EFCAB3: variants seen among roughly 807,000 people sequenced by gnomAD.
EFCAB3 encodes EF-hand calcium binding domain 3.
A neutral mutation model predicts 42.2 loss-of-function variants in EFCAB3; 36 were observed. The observed-to-expected ratio is 0.85, with a 90% CI of 0.65 to 1.13. The LOEUF (loss-of-function observed/expected upper bound fraction) is 1.13. Among genes scored for constraint, EFCAB3 ranks in the 50% most tolerant of loss-of-function variants. EFCAB3 has a pLI of 0.00. For synonymous variants in EFCAB3, 170 were observed against 172.8 expected, an observed-to-expected ratio of 0.98 and a Z score of 0.13; for missense variants, 418 against 505.1, an observed-to-expected ratio of 0.83 and a Z score of 1.65.
In EFCAB3 at chr17:62,413,585, T is replaced by C. The variant is rs2070518261; in HGVS notation, c.868-147T>C. 22 of 819,420 alleles carry C rather than the reference T, an allele frequency of 2.7e-5. No individual in the cohort carries two copies. The South Asian group carries it at 5.7e-4, about 21-fold the overall frequency. The allele number at this position is 819,420 out of a possible 1,614,324, so 50.8% of individuals were successfully genotyped here. A position where few individuals can be genotyped will look rare whatever the true frequency, so the allele number is the denominator to read the frequency against. On this transcript the variant is annotated intron_variant, in intron 8 of 9. Transcript: ENST00000305286. ...CTCCTGAGGGACCCGGAAAAAAGTCTAAACAAACAAACAAATGGTTTGGCA... is the reference window on the plus strand; with the variant it reads ...CTCCTGAGGGACCCGGAAAAAAGTCCAAACAAACAAACAAATGGTTTGGCA...
chr17:62,390,207 A>G (rs1394333450), intron 3 of EFCAB3, among the ~76,000 whole-genome samples: 1 of 152,194 alleles, frequency 6.6e-6, no homozygotes, highest in Non-Finnish European at 1.5e-5. Context: ...ATACAACAAT[A>G]GGATTGATAT....
At chr17:62,395,234 A>T (rs2070339453) in intron 6 of EFCAB3, 46 bp downstream of exon 6, 1 of 1,603,302 alleles carries the variant, frequency 6.2e-7, no homozygotes, top group African/African-American at 1.3e-5. Context: ...CAGAAGCATT[A>T]TGAAGATATT....
chr17:62,381,478 T>A (rs1321850893), intron 1 of EFCAB3, among the ~76,000 whole-genome samples: 1 of 152,000 alleles, frequency 6.6e-6, no homozygotes, highest in Non-Finnish European at 1.5e-5. Context: ...AAGCCCTGTT[T>A]CTCAAACTAT....
intron 1 of EFCAB3, among the ~76,000 whole-genome samples, chr17:62,371,592 CT>C: frequency 6.6e-6 from 1 of 152,206 alleles, no homozygotes; most frequent in East Asian, 1.9e-4. Flanking sequence ...TTGTGCATGA[CT>C]TTCATTTCTT....
In EFCAB3 at chr17:62,416,262, C is replaced by T; in HGVS notation, c.1250C>T (p.Thr417Ile). ...HNSRSSSSSD[T>I]SECYTDSGRK... The stretch of plus-strand genomic sequence containing the variant: ...TCCAGATCCTCTTCCTCATCAGATA[C>T]CAGTGAATGTTACACAGACTCAGGA... Residue 417 changes from threonine (T) to isoleucine (I), a missense_variant, in exon 10 of 10, where the codon ACC becomes ATC. Transcript: ENST00000305286. 1.2e-6 allele frequency: 2 copies of T among 1,613,778 alleles called. No individual in the cohort carries two copies. The highest frequency in any genetic ancestry group is 8.5e-7 in the Non-Finnish European group (1 of 1,179,812).
At chr17:62,415,921 C>G in intron 9 of EFCAB3, 82 bp from the exon 10 acceptor site, 1 of 1,194,976 alleles carries the variant, frequency 8.4e-7, no homozygotes, top group East Asian at 2.4e-5. Flanking sequence ...AGGGACATAA[C>G]TCTTGGGGTA....
chr17:62,383,981 T>C (rs985489101), intron 2 of EFCAB3, among the ~76,000 whole-genome samples: 19 of 152,334 alleles, frequency 1.2e-4, no homozygotes, highest in African/African-American at 4.6e-4. Flanking sequence ...CAGCCACTAA[T>C]GAGCAAAAAT....
chr17:62,415,087 G>A (rs192718842), intron 9 of EFCAB3, among the ~76,000 whole-genome samples: 124 of 151,592 alleles, frequency 8.2e-4, no homozygotes, highest in Non-Finnish European at 1.6e-3. Context: ...TTAGGCAACA[G>A]GGCAAGACTC....
chr17:62,386,787 T>C (rs542285242), intron 2 of EFCAB3, among the ~76,000 whole-genome samples: 166 of 150,428 alleles, frequency 1.1e-3, no homozygotes, highest in Non-Finnish European at 1.8e-4. Context: ...TAACTGGTTT[T>C]TTGGGGTTTG....
At chr17:62,384,979 AT>A (rs2070236156) in intron 2 of EFCAB3, among the ~76,000 whole-genome samples, 1 of 152,196 alleles carries the variant, frequency 6.6e-6, no homozygotes, top group Non-Finnish European at 1.5e-5. Context: ...TTCTGAGCAC[AT>A]TTAAGGTAGG....
intron 4 of EFCAB3, 56 bp downstream of exon 4, chr17:62,392,021 G>T: frequency 6.5e-7 from 1 of 1,529,958 alleles, no homozygotes. Flanking sequence ...TGAATATATA[G>T]TTTTCTTTTA....
At chr17:62,402,317 CA>C (rs1598017817) in intron 6 of EFCAB3, among the ~76,000 whole-genome samples, 1 of 152,114 alleles carries the variant, frequency 6.6e-6, no homozygotes, top group African/African-American at 2.4e-5. Flanking sequence ...CCAGAACTTC[CA>C]ACACTATGTT....
At chr17:62,415,288 T>C (rs1170432149) in intron 9 of EFCAB3, among the ~76,000 whole-genome samples, 2 of 152,156 alleles carry the variant, frequency 1.3e-5, no homozygotes, top group Admixed American at 6.5e-5. Flanking sequence ...TGCTTAAAAG[T>C]GAACATGTCC....
At chr17:62,386,549 T>C (rs2070253364) in intron 2 of EFCAB3, among the ~76,000 whole-genome samples, 1 of 152,204 alleles carries the variant, frequency 6.6e-6, no homozygotes, top group Admixed American at 6.5e-5. Flanking sequence ...TTATACAGTT[T>C]TAAAATTTGA....
At chr17:62,379,454 T>G (rs1400649281), upstream of EFCAB3, among the ~76,000 whole-genome samples, 1 of 151,724 alleles carries the variant, frequency 6.6e-6, no homozygotes, top group Non-Finnish European at 1.5e-5. Context: ...AAGTAGCCTT[T>G]AATATAGTAG....
chr17:62,386,576 T>C (rs1385193323), intron 2 of EFCAB3, among the ~76,000 whole-genome samples: 3 of 152,174 alleles, frequency 2.0e-5, no homozygotes, highest in Non-Finnish European at 4.4e-5. Flanking sequence ...AGGCTGAGAA[T>C]TGGAGCCAGC....
intron 8 of EFCAB3, among the ~76,000 whole-genome samples, chr17:62,412,192 A>G (rs927545710): frequency 1.1e-4 from 16 of 151,694 alleles, no homozygotes; most frequent in African/African-American, 3.4e-4. Flanking sequence ...CCTGGCCAAC[A>G]TGGTGAAACC....
intron 3 of EFCAB3, among the ~76,000 whole-genome samples, chr17:62,388,876 G>A (rs537896202): frequency 3.7e-4 from 56 of 152,276 alleles, no homozygotes; most frequent in African/African-American, 1.3e-3. Context: ...TGGTTTTATA[G>A]ACCTTTAAGG....
chr17:62,414,943 A>G (rs2070532192), intron 9 of EFCAB3, among the ~76,000 whole-genome samples: 1 of 152,006 alleles, frequency 6.6e-6, no homozygotes, highest in South Asian at 2.1e-4. Flanking sequence ...GTCTCTACTA[A>G]AAATACAAAA....
Sources: allele counts gnomAD v4.1 joint callset (sites outside exome capture counted in the v4.1 genomes callset), GRCh38; gene constraint gnomAD v4.1.1; transcripts MANE v1.5; gene names NCBI Gene and HGNC (gene_info 2026-07-23, HGNC 2026-07-21).